Variants in MTUS2 observed in about 807,000 individuals in gnomAD.
MTUS2 encodes microtubule associated scaffold protein 2.
MTUS2 carries 40 observed loss-of-function variants against 114.1 expected under a neutral mutation model. The ratio of observed to expected loss-of-function variants is 0.35; its 90% confidence interval spans 0.27 to 0.46. The LOEUF (loss-of-function observed/expected upper bound fraction) is 0.46. Among genes scored for constraint, MTUS2 ranks in the 20% least tolerant of loss-of-function variants. The pLI is 1.00. For missense variants in MTUS2, 1,679 were observed against 1,705.4 expected (o/e 0.98, Z 0.27); for synonymous variants, 688 against 672.0 (o/e 1.02, Z -0.37).
chr13:28,897,753 G>C (rs1161848859), intron 2 of MTUS2, among the ~76,000 whole-genome samples: 1 of 152,062 alleles, frequency 6.6e-6, no homozygotes, highest in Non-Finnish European at 1.5e-5. Flanking sequence ...TCCTTTGTAG[G>C]GACATGGATG....
chr13:29,484,666 C>T (rs892105485), intron 10 of MTUS2, among the ~76,000 whole-genome samples: 2 of 152,158 alleles, frequency 1.3e-5, no homozygotes, highest in Non-Finnish European at 2.9e-5. Context: ...TGGGCCTGGG[C>T]AGCCTCCCTC....
At chr13:29,233,668 C>G (rs974402367) in intron 5 of MTUS2, among the ~76,000 whole-genome samples, 7 of 152,148 alleles carry the variant, frequency 4.6e-5, no homozygotes, top group African/African-American at 1.4e-4. Flanking sequence ...CCAATCTCAG[C>G]TTTTTAATTC....
chr13:29,101,088 T>G, intron 5 of MTUS2, 118 bp downstream of exon 5: 3 of 1,106,264 alleles, frequency 2.7e-6, no homozygotes, highest in Non-Finnish European at 3.7e-6. Flanking sequence ...TCCCTTAGCT[T>G]CCCATTGTTG....
intron 2 of MTUS2, among the ~76,000 whole-genome samples, chr13:28,861,451 T>TC (rs1429516693): frequency 3.3e-5 from 5 of 151,350 alleles, no homozygotes; most frequent in African/African-American, 1.2e-4. Flanking sequence ...TTTTTTTTTT[T>TC]TTTTACCCTT....
intron 2 of MTUS2, among the ~76,000 whole-genome samples, chr13:28,908,587 T>C (rs1193273984): frequency 1.3e-5 from 2 of 151,502 alleles, no homozygotes; most frequent in Non-Finnish European, 2.9e-5. Flanking sequence ...TTGTGAATAG[T>C]GCCGCAATAA....
At chr13:29,424,258 GATATCCTAATTACACTGATTTGATT>G (rs1271329033) in intron 8 of MTUS2, among the ~76,000 whole-genome samples, 1 of 152,140 alleles carries the variant, frequency 6.6e-6, no homozygotes, top group Non-Finnish European at 1.5e-5. Context: ...TGCAGTGATA[GATATCCTAATTACACTGATTTGATT>G]ACTACATATT....
rs1278873567 is a variant in MTUS2 at position 29,107,572 on chromosome 13, A to C, written c.2644+6602A>C. On this transcript the variant is annotated intron_variant, in intron 5 of 15. Coordinates refer to ENST00000612955, the MANE Select transcript of MTUS2 (RefSeq NM_001033602.4). ...ATTGACTGTGGTATACATAGAGATAATTTACATAAGCCAAAGAGTAGAAAA... is the reference window on the plus strand; with the variant it reads ...ATTGACTGTGGTATACATAGAGATACTTTACATAAGCCAAAGAGTAGAAAA... Among the ~76,000 whole-genome samples the C allele has an allele frequency of 3.9e-5, 6 of 152,202 alleles. No individual in the cohort carries two copies. The South Asian group carries it at 1.2e-3, about 32-fold the overall frequency.
intron 9 of MTUS2, among the ~76,000 whole-genome samples, chr13:29,444,370 A>G (rs908115421): frequency 5.9e-5 from 9 of 152,196 alleles, no homozygotes; most frequent in Non-Finnish European, 8.8e-5. Context: ...CGGAGAGGTG[A>G]CAGTGAGCCG....
intron 2 of MTUS2, among the ~76,000 whole-genome samples, chr13:29,003,903 CCAT>C (rs1885490241): frequency 6.6e-6 from 1 of 152,156 alleles, no homozygotes; most frequent in Non-Finnish European, 1.5e-5. Flanking sequence ...TCTAGTCTCA[CCAT>C]CATCATAGTC....
At chr13:29,222,187 C>T (rs377505073) in intron 5 of MTUS2, among the ~76,000 whole-genome samples, 98 of 152,264 alleles carry the variant, frequency 6.4e-4, no homozygotes, top group African/African-American at 2.1e-3. Flanking sequence ...TGCACATGTC[C>T]GTGGTTAACT....
At chr13:28,997,646 G>A (rs538055963) in intron 2 of MTUS2, among the ~76,000 whole-genome samples, 4 of 152,138 alleles carry the variant, frequency 2.6e-5, no homozygotes, top group Admixed American at 2.6e-4. Context: ...ATTATGTAAT[G>A]GCCTTCTTTG....
chr13:29,121,733 C>T (rs892222283), intron 5 of MTUS2, among the ~76,000 whole-genome samples: 16 of 151,864 alleles, frequency 1.1e-4, no homozygotes, highest in Admixed American at 4.6e-4. Flanking sequence ...CGCGGCTCAC[C>T]GCAACCTCCG....
chr13:29,219,293 G>A (rs10870619), intron 5 of MTUS2, among the ~76,000 whole-genome samples: 100,890 of 142,890 alleles, frequency 0.71, 35,626 homozygotes, highest in East Asian at 0.79. Flanking sequence ...CCCTACAAAG[G>A]ACATGAACTC....
intron 4 of MTUS2, among the ~76,000 whole-genome samples, chr13:29,081,636 A>C (rs906020091): frequency 6.6e-6 from 1 of 150,756 alleles, no homozygotes; most frequent in African/African-American, 2.4e-5. Context: ...TTACTTTTGC[A>C]CCAACCTAAT....
Position 29,281,709 on chromosome 13 carries a change from A to C in MTUS2, c.2650A>C (p.Thr884Pro). ...ACGCTGTCTGCCTCCCACAGGTTCA[A>C]CCTTTGGGAATGAAGAACAGCCAGT... ...PEQGRPATRS[T>P]FGNEEQPVLK... is the part of the protein sequence containing the mutation. Residue 884 changes from threonine (T) to proline (P), a missense_variant, in exon 6 of 16, where the codon ACC becomes CCC. Transcript: ENST00000612955. 6.2e-7 allele frequency: 1 copy of C among 1,606,514 alleles called. No individual in the cohort carries two copies. Among genetic ancestry groups the C allele is most frequent in the Admixed American group, 1.7e-5 (1 of 59,398 alleles).
chr13:28,821,960 T>G (rs566978735), intron 1 of MTUS2, among the ~76,000 whole-genome samples: 3 of 152,336 alleles, frequency 2.0e-5, no homozygotes, highest in African/African-American at 7.2e-5. Context: ...TGTAGAATAC[T>G]TACGGGAATC....
chr13:29,342,950 G>A (rs1901473194), intron 7 of MTUS2, among the ~76,000 whole-genome samples: 1 of 151,924 alleles, frequency 6.6e-6, no homozygotes, highest in African/African-American at 2.4e-5. Flanking sequence ...TGTTTATATG[G>A]TGTATCACAT....
intron 2 of MTUS2, among the ~76,000 whole-genome samples, chr13:29,016,095 G>A (rs1054745843): frequency 9.2e-5 from 14 of 152,116 alleles, no homozygotes; most frequent in African/African-American, 3.4e-4. Context: ...AGTAGAGACG[G>A]GGTTTCACCA....
intron 12 of MTUS2, among the ~76,000 whole-genome samples, chr13:29,493,124 C>T (rs1349969819): frequency 3.9e-5 from 6 of 152,118 alleles, no homozygotes; most frequent in African/African-American, 4.8e-5. Flanking sequence ...ATTCACAGAA[C>T]GTGCTCTGAG....
Sources: allele counts gnomAD v4.1 joint callset (sites outside exome capture counted in the v4.1 genomes callset), GRCh38; gene constraint gnomAD v4.1.1; transcripts MANE v1.5; gene names NCBI Gene and HGNC (gene_info 2026-07-23, HGNC 2026-07-21).